EIF2B3: variants seen among roughly 807,000 people sequenced by gnomAD.
EIF2B3 encodes eukaryotic translation initiation factor 2B subunit gamma.
A neutral mutation model predicts 54.1 loss-of-function variants in EIF2B3; 20 were observed. That is an observed-to-expected ratio of 0.37 (90% confidence interval 0.26 to 0.54). The LOEUF (loss-of-function observed/expected upper bound fraction) is 0.54, where lower values mean the gene tolerates loss of function less well. Ranked by LOEUF, EIF2B3 falls within the 20% of genes least tolerant of loss-of-function variation. The pLI is 0.86. For missense variants in EIF2B3, 448 were observed against 547.8 expected (o/e 0.82, Z 1.82); for synonymous variants, 153 against 188.1 (o/e 0.81, Z 1.52).
At position 44,895,511 on chromosome 1, in the gene EIF2B3, C is replaced by CCTCT. The variant is rs146238886; in HGVS notation, c.656+1840_656+1843dup. 5.2e-3 allele frequency among the ~76,000 whole-genome samples: 777 copies of CCTCT among 150,372 alleles called. 7 individuals are homozygous for CCTCT. Among genetic ancestry groups the CCTCT allele is most frequent in the Middle Eastern group, 0.014 (4 of 292 alleles). On this transcript the variant is annotated intron_variant, in intron 6 of 11. Transcript: ENST00000360403. The stretch of plus-strand genomic sequence containing the variant: ...TATTAAGGTATTTATTTAAAAAAAG[C>CCTCT]CTCTCTCTCTCTCTCTCTATATATA...
At chr1:44,901,750 C>T (rs567707894) in intron 5 of EIF2B3, among the ~76,000 whole-genome samples, 7 of 150,442 alleles carry the variant, frequency 4.7e-5, no homozygotes, top group South Asian at 2.1e-4. Flanking sequence ...TTTGTAGAGA[C>T]GGGTTTTGCC....
intron 3 of EIF2B3, among the ~76,000 whole-genome samples, chr1:44,968,683 G>A (rs1357841687): frequency 6.6e-6 from 1 of 152,148 alleles, no homozygotes; most frequent in Non-Finnish European, 1.5e-5. Context: ...CGGATCATGA[G>A]GTCAGGAGTT....
At chr1:44,908,911 C>T (rs1197294550) in intron 5 of EIF2B3, among the ~76,000 whole-genome samples, 1 of 151,952 alleles carries the variant, frequency 6.6e-6, no homozygotes, top group Non-Finnish European at 1.5e-5. Flanking sequence ...ATCAGCAGGC[C>T]CATGTTTTGA....
intron 3 of EIF2B3, among the ~76,000 whole-genome samples, chr1:44,967,169 G>C (rs1376133871): frequency 6.6e-6 from 1 of 151,506 alleles, no homozygotes; most frequent in East Asian, 2.0e-4. Flanking sequence ...AAATGTGGCT[G>C]GGCGTGGTGG....
intron 5 of EIF2B3, among the ~76,000 whole-genome samples, chr1:44,909,855 C>A (rs925582309): frequency 1.3e-5 from 2 of 152,104 alleles, no homozygotes; most frequent in Non-Finnish European, 2.9e-5. Context: ...TCAAGACTCC[C>A]ACACCATTGG....
intron 3 of EIF2B3, among the ~76,000 whole-genome samples, chr1:44,967,971 G>C (rs1470279653): frequency 6.6e-6 from 1 of 152,060 alleles, no homozygotes; most frequent in Non-Finnish European, 1.5e-5. Context: ...CTGGGAGGTG[G>C]AGGTTGCAGT....
chr1:44,928,638 T>G (rs116718874), intron 4 of EIF2B3, among the ~76,000 whole-genome samples: 1,999 of 152,232 alleles, frequency 0.013, 54 homozygotes, highest in African/African-American at 0.046. Flanking sequence ...ATGCTATGTA[T>G]AGTCTATATT....
chr1:44,917,213 G>A (rs1394788776), intron 5 of EIF2B3, among the ~76,000 whole-genome samples: 2 of 152,240 alleles, frequency 1.3e-5, no homozygotes, highest in Non-Finnish European at 2.9e-5. Context: ...CTGCAGATGT[G>A]CCAGGTGCGG....
At chr1:44,895,996 G>C (rs1304651933) in intron 6 of EIF2B3, among the ~76,000 whole-genome samples, 2 of 152,118 alleles carry the variant, frequency 1.3e-5, no homozygotes, top group African/African-American at 4.8e-5. Context: ...AAACAGCTTA[G>C]ACTGGTCACT....
intron 1 of EIF2B3, among the ~76,000 whole-genome samples, chr1:44,985,079 T>G (rs1557718944): frequency 6.6e-6 from 1 of 152,232 alleles, no homozygotes; most frequent in Non-Finnish European, 1.5e-5. Context: ...GTGCTGGGAT[T>G]ACAGGCGTGA....
intron 3 of EIF2B3, among the ~76,000 whole-genome samples, chr1:44,977,213 T>C (rs1644461565): frequency 6.6e-6 from 1 of 152,218 alleles, no homozygotes; most frequent in African/African-American, 2.4e-5. Context: ...ACAGTGGATC[T>C]TTCTCAGCTC....
chr1:44,943,368 C>CTATCTATATCTA (rs59247483), intron 3 of EIF2B3, among the ~76,000 whole-genome samples: 4,349 of 144,530 alleles, frequency 0.03, 99 homozygotes, highest in Non-Finnish European at 0.043. Flanking sequence ...GCAGGAAGAA[C>CTATCTATATCTA]TATCTATATC....
At chr1:44,937,165 C>A (rs2148938597) in intron 4 of EIF2B3, 1 of 152,326 alleles carries the variant, frequency 6.6e-6, no homozygotes, top group South Asian at 2.1e-4. Context: ...AGCTCACGCG[C>A]TCTTGTAATA....
chr1:44,954,845 A>T (rs1019499507), intron 3 of EIF2B3, among the ~76,000 whole-genome samples: 2 of 152,118 alleles, frequency 1.3e-5, no homozygotes, highest in Non-Finnish European at 2.9e-5. Context: ...ATTCAGTATG[A>T]TATTGGCTGT....
chr1:44,887,546 C>T (rs1402453773), intron 6 of EIF2B3, among the ~76,000 whole-genome samples: 10 of 152,292 alleles, frequency 6.6e-5, no homozygotes, highest in East Asian at 5.8e-4. Context: ...TACAGTAGAA[C>T]GTTCCGAATG....
intron 3 of EIF2B3, among the ~76,000 whole-genome samples, chr1:44,943,565 G>T (rs1380981787): frequency 6.6e-6 from 1 of 151,414 alleles, no homozygotes; most frequent in African/African-American, 2.4e-5. Flanking sequence ...GACTACAGGC[G>T]TGCCCCACCA....
chr1:44,958,914 C>G, intron 3 of EIF2B3: 1 of 795,098 alleles, frequency 1.3e-6, no homozygotes, highest in Non-Finnish European at 2.2e-6. Flanking sequence ...CCATCTGAAA[C>G]AGACGGAGAA....
chr1:44,966,367 G>A (rs561276673), intron 3 of EIF2B3, among the ~76,000 whole-genome samples: 1 of 151,476 alleles, frequency 6.6e-6, no homozygotes, highest in South Asian at 2.1e-4. Flanking sequence ...TGAACCTGGG[G>A]GGCGGAGCTT....
intron 5 of EIF2B3, among the ~76,000 whole-genome samples, chr1:44,905,344 T>C (rs1436024455): frequency 1.3e-5 from 2 of 152,170 alleles, no homozygotes; most frequent in Admixed American, 1.3e-4. Flanking sequence ...AGGTCCAGTT[T>C]TTAGGTGACC....
Sources: allele counts gnomAD v4.1 joint callset (sites outside exome capture counted in the v4.1 genomes callset), GRCh38; gene constraint gnomAD v4.1.1; transcripts MANE v1.5; gene names NCBI Gene and HGNC (gene_info 2026-07-23, HGNC 2026-07-21).